The following PNMA6E variants were observed in gnomAD, a reference collection of about 807,000 sequenced individuals.
The protein encoded by PNMA6E is PNMA family member 6E.
For missense variants in PNMA6E, 78 were observed against 50.8 expected (o/e 1.53, Z -1.63); for synonymous variants, 43 against 17.1 (o/e 2.52, Z -3.74).
chrX:153,407,667 C>T, the PNMA6E span, among the ~76,000 whole-genome samples: 1 of 111,510 alleles, frequency 9.0e-6, no homozygotes, highest in Non-Finnish European at 1.9e-5. Flanking sequence ...CCACCATGCC[C>T]GGCTAGAAGC....
At chrX:153,400,100 C>T (rs1336139094) in intron 1 of PNMA6E, among the ~76,000 whole-genome samples, 2 of 112,798 alleles carry the variant, frequency 1.8e-5, no homozygotes, top group African/African-American at 6.4e-5. Context: ...AATGGCTCGA[C>T]ATATGGTCTA....
upstream of PNMA6E, among the ~76,000 whole-genome samples, chrX:153,406,007 GGA>G (rs781902370): frequency 1.8e-4 from 20 of 112,440 alleles, no homozygotes; most frequent in Non-Finnish European, 3.2e-4. Context: ...AGTCACCCAG[GGA>G]GGCATTGCCT....
At chrX:153,402,402 A>C (rs781804188), upstream of PNMA6E, among the ~76,000 whole-genome samples, 17 of 109,771 alleles carry the variant, frequency 1.5e-4, no homozygotes, top group Admixed American at 1.7e-3. Context: ...TTTACTTTTC[A>C]CTCTCTACTT....
At chrX:153,409,965 C>T in the PNMA6E span, among the ~76,000 whole-genome samples, 107 of 112,513 alleles carry the variant, frequency 9.5e-4, 1 homozygote, top group East Asian at 0.023. Context: ...TGGGCTCAGC[C>T]TATTCCCTCG....
chrX:153,410,807 G>A, the PNMA6E span, among the ~76,000 whole-genome samples: 5 of 112,332 alleles, frequency 4.5e-5, no homozygotes, highest in African/African-American at 1.6e-4. Flanking sequence ...TTTCTTTTAC[G>A]GTCTTTTTCA....
chrX:153,411,462 C>T, the PNMA6E span, among the ~76,000 whole-genome samples: 1 of 112,424 alleles, frequency 8.9e-6, no homozygotes, highest in Admixed American at 9.2e-5. Flanking sequence ...GCTGCCGCCG[C>T]CCCGGCCCCG....
In PNMA6E at chrX:153,396,686, G is replaced by C. The variant is rs1373554953; in HGVS notation, c.*220C>G. The C allele has an allele frequency of 7.8e-6, 2 of 255,319 alleles. No individual in the cohort carries two copies. Among genetic ancestry groups the C allele is most frequent in the Non-Finnish European group, 1.4e-5 (2 of 144,163 alleles). 21.0% of individuals were successfully genotyped at this position (255,319 alleles called of 1,213,427 possible). ...TTGGGGCTGGGGCTGGGTGTGCTGG[G>C]TGCAAGGGAGCGGGGGGGCGCCTCT... On this transcript the variant is annotated 3_prime_UTR_variant, in exon 2 of 2. Transcript: ENST00000445091.
chrX:153,401,960 G>A (rs1363586546), upstream of PNMA6E, among the ~76,000 whole-genome samples: 1 of 108,284 alleles, frequency 9.2e-6, no homozygotes, highest in Admixed American at 9.8e-5. Context: ...GAGTAGCTGG[G>A]ACTACAGGTG....
At chrX:153,401,827 A>G (rs188425474), upstream of PNMA6E, among the ~76,000 whole-genome samples, 353 of 93,714 alleles carry the variant, frequency 3.8e-3, 4 homozygotes, top group African/African-American at 0.014. Context: ...TTCTGTCGCC[A>G]GGCTGGATTT....
At chrX:153,401,834 A>ATTT (rs781957165), upstream of PNMA6E, among the ~76,000 whole-genome samples, 1,696 of 69,590 alleles carry the variant, frequency 0.024, 168 homozygotes, top group African/African-American at 0.03. Context: ...GCCAGGCTGG[A>ATTT]TTTTTTTTTT....
upstream of PNMA6E, among the ~76,000 whole-genome samples, chrX:153,403,663 C>T (rs1277485324): frequency 9.0e-6 from 1 of 111,268 alleles, no homozygotes; most frequent in Non-Finnish European, 1.9e-5. Flanking sequence ...TGTTAGGTGG[C>T]TGGGCATGGT....
chrX:153,411,656 C>G, the PNMA6E span, among the ~76,000 whole-genome samples: 1 of 113,026 alleles, frequency 8.8e-6, no homozygotes, highest in Non-Finnish European at 1.9e-5. Flanking sequence ...TCGGGCCTGC[C>G]GGGAGCAGGA....
At chrX:153,413,374 C>G in the PNMA6E span, among the ~76,000 whole-genome samples, 1 of 106,234 alleles carries the variant, frequency 9.4e-6, no homozygotes, top group Admixed American at 1.0e-4. Flanking sequence ...GCTCTCATCC[C>G]CTTCCCAGCC....
At chrX:153,409,821 G>A in the PNMA6E span, among the ~76,000 whole-genome samples, 4 of 112,016 alleles carry the variant, frequency 3.6e-5, no homozygotes, top group African/African-American at 9.7e-5. Flanking sequence ...CAGGTTGGCC[G>A]CTCACACTCT....
the PNMA6E span, among the ~76,000 whole-genome samples, chrX:153,408,969 A>G: frequency 8.9e-6 from 1 of 112,407 alleles, no homozygotes; most frequent in Admixed American, 9.3e-5. Context: ...TCCCACAGAC[A>G]GCTTGACGTC....
At chrX:153,412,715 A>T in the PNMA6E span, among the ~76,000 whole-genome samples, 1 of 111,775 alleles carries the variant, frequency 8.9e-6, no homozygotes, top group Non-Finnish European at 1.9e-5. Context: ...AGAGTGTGGC[A>T]GGAGCAGAGG....
the PNMA6E span, among the ~76,000 whole-genome samples, chrX:153,406,430 C>T: frequency 8.9e-6 from 1 of 112,613 alleles, no homozygotes; most frequent in African/African-American, 3.2e-5. Flanking sequence ...AAAGCCCAGA[C>T]ATTTTCCACT....
intron 1 of PNMA6E, among the ~76,000 whole-genome samples, chrX:153,399,312 TGTGTG>T (rs2088832898): frequency 3.4e-5 from 1 of 29,660 alleles, no homozygotes; most frequent in African/African-American, 1.1e-4. Flanking sequence ...TTGTGTGTTG[TGTGTG>T]TGTGTGTGTG....
At chrX:153,411,022 T>TC in the PNMA6E span, among the ~76,000 whole-genome samples, 2 of 110,457 alleles carry the variant, frequency 1.8e-5, no homozygotes, top group Non-Finnish European at 3.8e-5. Context: ...ACCTCCTTTT[T>TC]CCCCTCCTCG....
Sources: gnomAD v4.1 joint callset for allele counts (sites outside exome capture counted in the v4.1 genomes callset) on GRCh38, gnomAD v4.1.1 for gene constraint, MANE v1.5 for transcripts, NCBI Gene and HGNC (gene_info 2026-07-23, HGNC 2026-07-21) for gene names.